NAALADL2: variants seen among roughly 807,000 people sequenced by gnomAD.
NAALADL2 encodes N-acetylated alpha-linked acidic dipeptidase like 2.
NAALADL2 carries 76 observed loss-of-function variants against 87.2 expected under a neutral mutation model. The observed-to-expected ratio is 0.87, with a 90% CI of 0.72 to 1.05. NAALADL2 has a LOEUF of 1.05. NAALADL2 is among the 50% of genes least tolerant of loss of function. The pLI is 0.00. For missense variants in NAALADL2, 1,089 were observed against 945.8 expected (o/e 1.15, Z -1.99); for synonymous variants, 354 against 331.0 (o/e 1.07, Z -0.75).
At chr3:175,711,598 T>C (rs1740537115) in intron 11 of NAALADL2, among the ~76,000 whole-genome samples, 1 of 151,898 alleles carries the variant, frequency 6.6e-6, no homozygotes, top group East Asian at 1.9e-4. Flanking sequence ...GTGCATCTCA[T>C]ATGTGAAGAA....
intron 1 of NAALADL2, among the ~76,000 whole-genome samples, chr3:175,068,217 T>A (rs888049458): frequency 1.7e-4 from 26 of 152,022 alleles, no homozygotes; most frequent in African/African-American, 5.8e-4. Flanking sequence ...GTAACAAACC[T>A]GCACATGTAC....
chr3:175,144,867 T>C (rs986657899), intron 2 of NAALADL2, among the ~76,000 whole-genome samples: 2 of 152,022 alleles, frequency 1.3e-5, no homozygotes, highest in East Asian at 3.9e-4. Context: ...CTTCTTCATC[T>C]CATACAAGAT....
At chr3:174,540,875 T>C (rs566829730) in intron 1 of NAALADL2, 24 of 152,318 alleles carry the variant, frequency 1.6e-4, no homozygotes, top group Admixed American at 1.4e-3. Context: ...TAGGTATTTT[T>C]AAATTTATCT....
chr3:174,972,661 G>T (rs1443405561), intron 1 of NAALADL2, among the ~76,000 whole-genome samples: 1 of 152,038 alleles, frequency 6.6e-6, no homozygotes, highest in Non-Finnish European at 1.5e-5. Context: ...TTTCGATGGG[G>T]ACCTAGTTCA....
intron 4 of NAALADL2, among the ~76,000 whole-genome samples, chr3:175,274,206 G>A (rs769664139): frequency 4.6e-5 from 7 of 152,056 alleles, no homozygotes; most frequent in Non-Finnish European, 8.8e-5. Context: ...GTGTGTGCAG[G>A]GGAACTGCCC....
chr3:174,455,339 C>G (rs1715763907), intron 1 of NAALADL2, among the ~76,000 whole-genome samples: 1 of 152,084 alleles, frequency 6.6e-6, no homozygotes, highest in Non-Finnish European at 1.5e-5. Context: ...GAGACTCTTA[C>G]AAAAAACTGA....
At chr3:175,748,057 G>C (rs1406652729) in intron 12 of NAALADL2, among the ~76,000 whole-genome samples, 1 of 151,758 alleles carries the variant, frequency 6.6e-6, no homozygotes, top group Non-Finnish European at 1.5e-5. Context: ...TATCACTTCA[G>C]TATCTTTTGC....
intron 1 of NAALADL2, among the ~76,000 whole-genome samples, chr3:175,075,829 C>T (rs959720956): frequency 2.0e-5 from 3 of 151,910 alleles, no homozygotes; most frequent in Admixed American, 1.3e-4. Flanking sequence ...TAACTACGAA[C>T]GCACAGATAT....
At chr3:175,351,388 G>T (rs1322389463) in intron 5 of NAALADL2, among the ~76,000 whole-genome samples, 1 of 151,768 alleles carries the variant, frequency 6.6e-6, no homozygotes, top group Non-Finnish European at 1.5e-5. Flanking sequence ...CTTTATATAT[G>T]ATATATATAC....
intron 1 of NAALADL2, among the ~76,000 whole-genome samples, chr3:174,888,934 G>C (rs560946016): frequency 1.8e-4 from 27 of 152,198 alleles, no homozygotes; most frequent in Non-Finnish European, 3.2e-4. Context: ...GATTCTCTTT[G>C]TTCAGATTTG....
Position 175,198,931 on chromosome 3 carries a change from C to G in NAALADL2, c.546-35000C>G, listed in dbSNP as rs181542562. Among the ~76,000 whole-genome samples the G allele has an allele frequency of 4.6e-5, 7 of 151,982 alleles. No individual in the cohort carries two copies. The East Asian group carries it at 1.4e-3, about 29-fold the overall frequency. On this transcript the variant is annotated intron_variant, in intron 2 of 13. Coordinates refer to ENST00000454872, the MANE Select transcript of NAALADL2 (RefSeq NM_207015.3). ...TGATTCATGCACCTCAAAAACAGGA[C>G]CTATTTGCTGTTTTCATCAGAAGCT...
intron 1 of NAALADL2, among the ~76,000 whole-genome samples, chr3:174,917,942 A>G (rs923649412): frequency 6.6e-6 from 1 of 152,148 alleles, no homozygotes; most frequent in African/African-American, 2.4e-5. Flanking sequence ...ATAGTGTTAA[A>G]GATTTTCAAG....
At chr3:175,438,984 T>C (rs192010715) in intron 5 of NAALADL2, among the ~76,000 whole-genome samples, 1 of 152,226 alleles carries the variant, frequency 6.6e-6, no homozygotes, top group Admixed American at 6.6e-5. Flanking sequence ...CAATGTGTAG[T>C]CTTTTATCCC....
rs141500295 is a variant in NAALADL2 at position 175,239,166 on chromosome 3, C to T, written c.819+4962C>T. 1.1e-3 allele frequency among the ~76,000 whole-genome samples: 166 copies of T among 152,266 alleles called. No homozygotes were observed. The Middle Eastern group carries it at 0.014, about 12-fold the overall frequency. ...TGCACTAGAAAGGTGACATAGTTTA[C>T]CCCATCATAATGACAGGTGGGTCAG... On this transcript the variant is annotated intron_variant, in intron 3 of 13. Coordinates refer to ENST00000454872, the MANE Select transcript of NAALADL2 (RefSeq NM_207015.3).
intron 7 of NAALADL2, among the ~76,000 whole-genome samples, chr3:175,465,395 T>C (rs1261665459): frequency 1.3e-5 from 2 of 151,894 alleles, no homozygotes. Context: ...GAGACATTTA[T>C]GGGAGATAAG....
chr3:174,833,523 A>G (rs995535730), intron 3 of NAALADL2, among the ~76,000 whole-genome samples: 1 of 152,122 alleles, frequency 6.6e-6, no homozygotes, highest in East Asian at 1.9e-4. Flanking sequence ...AAAATAAAGG[A>G]AGAGGAAAAA....
chr3:175,070,746 G>T (rs962470931), intron 1 of NAALADL2, among the ~76,000 whole-genome samples: 15 of 151,870 alleles, frequency 9.9e-5, no homozygotes, highest in Admixed American at 3.3e-4. Context: ...TGAATGAATT[G>T]CTTTGGATGA....
At chr3:175,019,080 A>G (rs1751225853) in intron 1 of NAALADL2, among the ~76,000 whole-genome samples, 1 of 152,050 alleles carries the variant, frequency 6.6e-6, no homozygotes, top group Non-Finnish European at 1.5e-5. Context: ...TGTAGGCATA[A>G]TATTATACCA....
chr3:175,339,635 A>G (rs1418376236), intron 5 of NAALADL2, among the ~76,000 whole-genome samples: 1 of 152,204 alleles, frequency 6.6e-6, no homozygotes, highest in Non-Finnish European at 1.5e-5. Flanking sequence ...TGTTCATTAC[A>G]TAAAGTGCTG....
Sources: gnomAD v4.1 joint callset for allele counts (sites outside exome capture counted in the v4.1 genomes callset) on GRCh38, gnomAD v4.1.1 for gene constraint, MANE v1.5 for transcripts, NCBI Gene and HGNC (gene_info 2026-07-23, HGNC 2026-07-21) for gene names.